Variants in MAMLD1 observed in about 807,000 individuals in gnomAD.
The protein encoded by MAMLD1 is mastermind-like domain-containing protein 1.
In MAMLD1, 14 loss-of-function variants were observed where a neutral mutation model predicts 45.0. That is an observed-to-expected ratio of 0.31 (90% CI 0.21 to 0.49). The LOEUF is 0.49. MAMLD1 is among the 20% of genes least tolerant of loss of function. MAMLD1 has a pLI of 0.99. For synonymous variants in MAMLD1, 254 were observed against 247.8 expected, an observed-to-expected ratio of 1.02 and a Z score of -0.24; for missense variants, 543 against 603.6, an observed-to-expected ratio of 0.90 and a Z score of 1.05.
intron 2 of MAMLD1, among the ~76,000 whole-genome samples, chrX:150,450,639 C>A (rs2035632217): frequency 9.0e-6 from 1 of 111,267 alleles, no homozygotes; most frequent in South Asian, 3.8e-4. Flanking sequence ...GTGTTCCAAA[C>A]CACACAGGGC....
upstream of MAMLD1, chrX:150,362,688 C>T (rs782313830): frequency 2.7e-4 from 30 of 112,061 alleles, no homozygotes; most frequent in African/African-American, 8.7e-4. Context: ...AGCTCGTTTT[C>T]CCCAGACGCG....
intron 5 of MAMLD1, among the ~76,000 whole-genome samples, chrX:150,480,890 C>T (rs1384228168): frequency 8.9e-6 from 1 of 112,536 alleles, no homozygotes; most frequent in Non-Finnish European, 1.9e-5. Context: ...CTTGTGGGAG[C>T]TTTCAGTTTG....
chrX:150,512,901 G>A lies in MAMLD1; in HGVS notation c.*942G>A, dbSNP rs1403288738. Reference sequence around the variant, plus strand: ...AATGATCTGATTTCGTCACCTGACTGCAATGAGGTAGATTTCATTGAAGCT... The same window carrying A: ...AATGATCTGATTTCGTCACCTGACTACAATGAGGTAGATTTCATTGAAGCT... On this transcript the variant is annotated 3_prime_UTR_variant, in exon 8 of 8. Coordinates refer to ENST00000370401, the MANE Select transcript of MAMLD1 (RefSeq NM_005491.5). 4.3e-6 allele frequency: 5 copies of A among 1,155,041 alleles called. No homozygotes were observed. The East Asian group carries it at 1.6e-4, about 38-fold the overall frequency.
chrX:150,456,297 A>T (rs782721791), intron 2 of MAMLD1, among the ~76,000 whole-genome samples: 10 of 110,293 alleles, frequency 9.1e-5, no homozygotes, highest in Non-Finnish European at 1.7e-4. Flanking sequence ...CACTATCTAT[A>T]TGACTTTTAG....
chrX:150,498,441 G>T (rs782326714), intron 5 of MAMLD1, among the ~76,000 whole-genome samples: 24 of 112,154 alleles, frequency 2.1e-4, no homozygotes, highest in African/African-American at 7.8e-4. Flanking sequence ...ACAAAGCATG[G>T]AAGTGGCAAA....
chrX:150,442,829 T>G (rs2124595377), intron 1 of MAMLD1, among the ~76,000 whole-genome samples: 1 of 112,005 alleles, frequency 8.9e-6, no homozygotes. Flanking sequence ...ATATTCTCTT[T>G]GTAGAGGCAT....
At position 150,512,468 on chromosome X, in the gene MAMLD1, C is replaced by T; in HGVS notation, c.*509C>T. 2.6e-6 allele frequency: 3 copies of T among 1,156,263 alleles called. No homozygotes were observed. Among genetic ancestry groups the T allele is most frequent in the South Asian group, 1.9e-5 (1 of 52,753 alleles). On this transcript the variant is annotated 3_prime_UTR_variant, in exon 8 of 8. Coordinates refer to ENST00000370401, the MANE Select transcript of MAMLD1 (RefSeq NM_005491.5). ...CACAGCAGTTTCGGGGAAAACACCCCTCAGCCAAGTGGATAATAGCGTTCA... is the reference window on the plus strand; with the variant it reads ...CACAGCAGTTTCGGGGAAAACACCCTTCAGCCAAGTGGATAATAGCGTTCA...
At chrX:150,388,824 T>C (rs1557402108) in intron 1 of MAMLD1, among the ~76,000 whole-genome samples, 1 of 112,090 alleles carries the variant, frequency 8.9e-6, no homozygotes, top group Non-Finnish European at 1.9e-5. Flanking sequence ...TTGATTTTTA[T>C]CTTATCTTTA....
At position 150,514,073 on chromosome X, in the gene MAMLD1, T is replaced by A. The variant is rs1187684375; in HGVS notation, c.*2114T>A. On this transcript the variant is annotated 3_prime_UTR_variant, in exon 8 of 8. Coordinates refer to ENST00000370401, the MANE Select transcript of MAMLD1 (RefSeq NM_005491.5). The stretch of plus-strand genomic sequence containing the variant: ...GTGTCCAGACTTTCTGTAATCACAT[T>A]TTAATTGCCACCTCGTATTTCACCT... 7.2e-6 allele frequency: 2 copies of A among 278,120 alleles called. No individual in the cohort carries two copies. Among genetic ancestry groups the A allele is most frequent in the East Asian group, 1.0e-4 (2 of 19,453 alleles). 22.9% of individuals were successfully genotyped at this position (278,120 alleles called of 1,213,427 possible). A position where few individuals can be genotyped will look rare whatever the true frequency, so the allele number is the denominator to read the frequency against.
intron 6 of MAMLD1, chrX:150,505,120 T>A (rs1557408764): frequency 2.7e-6 from 2 of 742,753 alleles, no homozygotes; most frequent in Non-Finnish European, 3.2e-6. Context: ...CATATACAGA[T>A]CTCTGCCGTT....
intron 1 of MAMLD1, among the ~76,000 whole-genome samples, chrX:150,438,952 A>T (rs1718307004): frequency 8.9e-6 from 1 of 112,034 alleles, no homozygotes; most frequent in Non-Finnish European, 1.9e-5. Flanking sequence ...GCAACATTTT[A>T]AATTCCCACC....
chrX:150,420,592 G>T (rs970409098), intron 1 of MAMLD1, among the ~76,000 whole-genome samples: 8 of 112,188 alleles, frequency 7.1e-5, no homozygotes, highest in Non-Finnish European at 1.5e-4. Flanking sequence ...GGTCTTTGAT[G>T]ATGGTGATGT....
chrX:150,485,940 G>A (rs2036970810), intron 5 of MAMLD1, among the ~76,000 whole-genome samples: 1 of 111,828 alleles, frequency 8.9e-6, no homozygotes, highest in African/African-American at 3.3e-5. Flanking sequence ...TATGAGGCTG[G>A]CTGTGTAAAG....
intron 6 of MAMLD1, among the ~76,000 whole-genome samples, chrX:150,508,638 C>G (rs939868637): frequency 8.9e-6 from 1 of 112,786 alleles, no homozygotes; most frequent in African/African-American, 3.2e-5. Flanking sequence ...GGGCACAGTC[C>G]CAAGCACTGG....
intron 2 of MAMLD1, among the ~76,000 whole-genome samples, chrX:150,455,786 T>C (rs1432868774): frequency 4.6e-5 from 5 of 108,711 alleles, no homozygotes; most frequent in African/African-American, 6.7e-5. Flanking sequence ...TCTTCTTTTT[T>C]TTTTTTTTGT....
intron 5 of MAMLD1, among the ~76,000 whole-genome samples, chrX:150,484,550 A>T (rs1447369315): frequency 1.8e-5 from 2 of 112,442 alleles, no homozygotes; most frequent in Non-Finnish European, 3.8e-5. Context: ...ATAGATCTGG[A>T]ATCATGTAGA....
chrX:150,494,844 A>G (rs1426727016), intron 5 of MAMLD1, among the ~76,000 whole-genome samples: 2 of 110,956 alleles, frequency 1.8e-5, no homozygotes, highest in Admixed American at 1.9e-4. Context: ...TGATTGCACT[A>G]CTGCACTCCA....
chrX:150,397,449 C>T (rs908793353), intron 1 of MAMLD1, among the ~76,000 whole-genome samples: 7 of 111,423 alleles, frequency 6.3e-5, no homozygotes, highest in African/African-American at 2.3e-4. Flanking sequence ...CACTGCATGT[C>T]ACGTTTATTT....
Position 150,470,447 on chromosome X carries a change from G to A in MAMLD1, c.874G>A (p.Ala292Thr), listed in dbSNP as rs782789070. The stretch of plus-strand genomic sequence containing the variant: ...CCAGGTCCAGGCCATGCTCCCTGTC[G>A]CTCTGCCCCCCTTACCAGTGCCTCA... ...KSQVQAMLPV[A>T]LPPLPVPQWH... The change falls in exon 4 of 8, where the codon GCT becomes ACT. Residue 292 changes from alanine (A) to threonine (T), a missense_variant. By Grantham distance (58) the Ala-to-Thr change is moderately conservative. Coordinates refer to ENST00000370401, the MANE Select transcript of MAMLD1 (RefSeq NM_005491.5). The A allele has an allele frequency of 2.2e-5, 27 of 1,210,407 alleles. No homozygotes were observed. Among genetic ancestry groups the A allele is most frequent in the Admixed American group, 2.0e-4 (9 of 45,893 alleles).
Sources: allele counts gnomAD v4.1 joint callset (sites outside exome capture counted in the v4.1 genomes callset), GRCh38; gene constraint gnomAD v4.1.1; transcripts MANE v1.5; gene names NCBI Gene and HGNC (gene_info 2026-07-23, HGNC 2026-07-21).